Variants in GASK1A observed in about 807,000 individuals in gnomAD.
GASK1A encodes Golgi-associated kinase 1A.
A neutral mutation model predicts 41.2 loss-of-function variants in GASK1A; 40 were observed. The ratio of observed to expected loss-of-function variants is 0.97; its 90% CI spans 0.75 to 1.27. The LOEUF (loss-of-function observed/expected upper bound fraction) is 1.27. Among genes scored for constraint, GASK1A ranks in the 50% most tolerant of loss-of-function variants. GASK1A has a pLI of 0.00. For missense variants in GASK1A, 678 were observed against 745.1 expected, an observed-to-expected ratio of 0.91 and a Z score of 1.05; for synonymous variants, 316 against 307.1, an observed-to-expected ratio of 1.03 and a Z score of -0.30.
At chr3:43,054,207 A>G (rs1404053243) in intron 3 of GASK1A, 8 of 198,264 alleles carry the variant, frequency 4.0e-5, no homozygotes, top group South Asian at 9.4e-5. Context: ...GGGCTTCTCT[A>G]TCTTCTCCTG....
chr3:43,007,519 A>G (rs9874514), intron 1 of GASK1A, among the ~76,000 whole-genome samples: 58,080 of 151,846 alleles, frequency 0.38, 11,564 homozygotes, highest in Non-Finnish European at 0.45. Context: ...TCCTATCAGC[A>G]CCAGTCCTTT....
intron 2 of GASK1A, chr3:43,037,521 C>A: frequency 2.4e-6 from 1 of 424,660 alleles, no homozygotes; most frequent in East Asian, 3.4e-5. Flanking sequence ...AGAGAAAGAA[C>A]CTGCAGTTAT....
At chr3:43,046,879 G>T (rs2089665958) in intron 2 of GASK1A, among the ~76,000 whole-genome samples, 1 of 152,198 alleles carries the variant, frequency 6.6e-6, no homozygotes. Flanking sequence ...GAGGGTACAA[G>T]CCCCAAACCT....
chr3:43,005,586 A>G (rs1346721850), intron 1 of GASK1A, among the ~76,000 whole-genome samples: 1 of 152,292 alleles, frequency 6.6e-6, no homozygotes, highest in South Asian at 2.1e-4. Context: ...ATTTTACTTC[A>G]TCATGGCCCA....
intron 1 of GASK1A, among the ~76,000 whole-genome samples, chr3:43,013,226 G>A (rs1317416155): frequency 6.6e-6 from 1 of 151,858 alleles, no homozygotes; most frequent in African/African-American, 2.4e-5. Context: ...ACAGGGAGTG[G>A]CTGTGGGAAG....
chr3:43,015,994 T>G (rs1381146750), intron 1 of GASK1A, among the ~76,000 whole-genome samples: 2 of 114,700 alleles, frequency 1.7e-5, no homozygotes, highest in Non-Finnish European at 3.7e-5. Context: ...AGCCACAGGA[T>G]GGGGTTTGGG....
At chr3:43,010,556 A>G (rs2089458381) in intron 1 of GASK1A, among the ~76,000 whole-genome samples, 1 of 152,128 alleles carries the variant, frequency 6.6e-6, no homozygotes, top group Non-Finnish European at 1.5e-5. Context: ...TGCTTTTCGT[A>G]TTTCATGAGG....
At chr3:42,980,169 C>T (rs1477358722) in intron 1 of GASK1A, among the ~76,000 whole-genome samples, 1 of 152,218 alleles carries the variant, frequency 6.6e-6, no homozygotes, top group Non-Finnish European at 1.5e-5. Flanking sequence ...AATCCGCCTT[C>T]CTCTACCTCC....
At chr3:43,014,805 G>A (rs891047646) in intron 1 of GASK1A, among the ~76,000 whole-genome samples, 2 of 152,110 alleles carry the variant, frequency 1.3e-5, no homozygotes, top group Non-Finnish European at 2.9e-5. Flanking sequence ...CACTGGAAGC[G>A]GTGGTGTGAA....
At chr3:43,045,629 G>T (rs2089658296) in intron 2 of GASK1A, among the ~76,000 whole-genome samples, 2 of 152,162 alleles carry the variant, frequency 1.3e-5, no homozygotes, top group African/African-American at 4.8e-5. Flanking sequence ...GGTGGCTCTT[G>T]CTAAGGATGG....
chr3:42,995,372 C>T (rs1027226231), intron 1 of GASK1A, among the ~76,000 whole-genome samples: 1 of 152,174 alleles, frequency 6.6e-6, no homozygotes, highest in Non-Finnish European at 1.5e-5. Context: ...TCTACGCCAA[C>T]CATGTAGGGA....
intron 1 of GASK1A, among the ~76,000 whole-genome samples, chr3:43,016,916 AAGTCCCAGGAAGGGGCTGTG>A (rs1315122481): frequency 9.5e-6 from 1 of 105,652 alleles, no homozygotes; most frequent in African/African-American, 3.4e-5. Context: ...GGGCTGTGTG[AAGTCCCAGGAAGGGGCTGTG>A]TGAAGTCCCA....
intron 1 of GASK1A, among the ~76,000 whole-genome samples, chr3:43,011,817 G>A (rs976010142): frequency 6.6e-6 from 1 of 151,094 alleles, no homozygotes; most frequent in Non-Finnish European, 1.5e-5. Context: ...GGGTCAGTAT[G>A]AAGCCACAGG....
At chr3:43,054,976 G>A (rs1012938990) in intron 3 of GASK1A, among the ~76,000 whole-genome samples, 4 of 152,138 alleles carry the variant, frequency 2.6e-5, no homozygotes, top group Admixed American at 6.5e-5. Context: ...CGGTGGCCCC[G>A]AGGAGCAGGC....
chr3:43,017,840 A>G (rs998596253), intron 1 of GASK1A, among the ~76,000 whole-genome samples: 47 of 151,728 alleles, frequency 3.1e-4, no homozygotes, highest in Admixed American at 2.2e-3. Flanking sequence ...AGTCACAAGA[A>G]GGGACTGTGT....
intron 2 of GASK1A, chr3:43,037,207 C>A: frequency 8.8e-7 from 1 of 1,131,912 alleles, no homozygotes; most frequent in South Asian, 1.3e-5. Flanking sequence ...TCTGGGGGAT[C>A]GAAGTCCTCT....
chr3:43,032,293 T>G lies in GASK1A; in HGVS notation c.30T>G (p.Arg10=). Residue 10 remains arginine (R), a synonymous_variant, in exon 2 of 5, where the codon CGT becomes CGG. Coordinates refer to ENST00000430121, the MANE Select transcript of GASK1A (RefSeq NM_001129908.3). MASWLRRKL[R]GKRRPVIAFC... ...CGTCTTGGCTCCGGAGAAAGCTGCG[T>G]GGCAAGAGGCGGCCAGTGATAGCGT... The G allele has an allele frequency of 6.5e-7, 1 of 1,531,982 alleles. No individual in the cohort carries two copies. The highest frequency in any genetic ancestry group is 8.8e-7 in the Non-Finnish European group (1 of 1,132,162). The allele number at this position is 1,531,982 out of a possible 1,614,324, so 94.9% of individuals were successfully genotyped here. A position where few individuals can be genotyped will look rare whatever the true frequency, so the allele number is the denominator to read the frequency against.
chr3:43,019,721 G>A (rs1242402578), intron 1 of GASK1A, among the ~76,000 whole-genome samples: 1 of 151,748 alleles, frequency 6.6e-6, no homozygotes, highest in Non-Finnish European at 1.5e-5. Context: ...CACACCTTTA[G>A]TGATGACTCC....
chr3:42,980,173 T>C (rs1447030304), intron 1 of GASK1A, among the ~76,000 whole-genome samples: 1 of 152,222 alleles, frequency 6.6e-6, no homozygotes, highest in Admixed American at 6.5e-5. Context: ...CGCCTTCCTC[T>C]ACCTCCCCGA....
Sources: allele counts gnomAD v4.1 joint callset (sites outside exome capture counted in the v4.1 genomes callset), GRCh38; gene constraint gnomAD v4.1.1; transcripts MANE v1.5; gene names NCBI Gene and HGNC (gene_info 2026-07-23, HGNC 2026-07-21).